Variants in ATN1 observed in about 807,000 individuals in gnomAD.
ATN1 encodes the protein atrophin-1.
Under a neutral mutation model 85.8 loss-of-function variants are expected in ATN1, and 19 were observed. The ratio of observed to expected loss-of-function variants is 0.22; its 90% CI spans 0.15 to 0.32. The LOEUF is 0.32. Among genes scored for constraint, ATN1 ranks in the 10% least tolerant of loss-of-function variants. The pLI is 1.00. For synonymous variants in ATN1, 674 were observed against 657.0 expected, an observed-to-expected ratio of 1.03 and a Z score of -0.39; for missense variants, 1,453 against 1,564.5, an observed-to-expected ratio of 0.93 and a Z score of 1.20.
Position 6,934,442 on chromosome 12 carries a change from A to C in ATN1, c.166-23A>C. 3 of 1,598,748 alleles carry C rather than the reference A, an allele frequency of 1.9e-6. No homozygotes were observed. Among genetic ancestry groups the C allele is most frequent in the Non-Finnish European group, 2.6e-6 (3 of 1,172,068 alleles). On this transcript the variant is annotated intron_variant, in intron 3 of 9. Transcript: ENST00000396684. The surrounding 1 kb of genome is among the most constrained non-coding windows in gnomAD (Gnocchi z 4.5). ...GCTCGGGAGGTAGGGAAAAGACAGG[A>C]ATTTTCTCTTTCTCTCTAACAGAAG...
intron 1 of ATN1, among the ~76,000 whole-genome samples, chr12:6,929,064 T>G (rs2138201117): frequency 1.3e-5 from 2 of 152,322 alleles, no homozygotes; most frequent in South Asian, 4.1e-4. Context: ...AGGTCACCTC[T>G]GACCCTGTTT....
rs1414876674 is a variant in ATN1 at position 6,931,667 on chromosome 12, T to C, written c.-162-2173T>C. Among the ~76,000 whole-genome samples the C allele has an allele frequency of 2.2e-5, 3 of 136,286 alleles. No individual in the cohort carries two copies. The East Asian group carries it at 6.4e-4, about 29-fold the overall frequency. 89.4% of individuals were successfully genotyped at this position (136,286 alleles called of 152,430 possible). On this transcript the variant is annotated intron_variant, in intron 1 of 9. Coordinates refer to ENST00000396684, the MANE Select transcript of ATN1 (RefSeq NM_001940.4). ...AGGCGGAGGTGGCAGTGAGCTGAGA[T>C]CATGCCATAGCACCTCCAGCCTGGG...
Position 6,937,794 on chromosome 12 carries a change from C to T in ATN1, c.2295-51C>T, listed in dbSNP as rs943823431. 3.3e-6 allele frequency: 5 copies of T among 1,501,962 alleles called. No individual in the cohort carries two copies. Among genetic ancestry groups the T allele is most frequent in the South Asian group, 2.6e-5 (2 of 77,552 alleles). The allele number at this position is 1,501,962 out of a possible 1,614,324, so 93.0% of individuals were successfully genotyped here. ...CGCCGGGGCCGCGGCGCTGCGGGCTCCATCGGGCAGCTCGCACCGCCTGAG... is the reference window on the plus strand; with the variant it reads ...CGCCGGGGCCGCGGCGCTGCGGGCTTCATCGGGCAGCTCGCACCGCCTGAG... On this transcript the variant is annotated intron_variant, in intron 5 of 9. Coordinates refer to ENST00000396684, the MANE Select transcript of ATN1 (RefSeq NM_001940.4). This position sits in a 1 kb window ranked among gnomAD's most constrained non-coding sequence, Gnocchi z 6.0.
chr12:6,939,421 G>A (rs1283256863), intron 7 of ATN1, among the ~76,000 whole-genome samples: 1 of 152,200 alleles, frequency 6.6e-6, no homozygotes, highest in Non-Finnish European at 1.5e-5. Context: ...TCCTTCCCAT[G>A]ACAGAGGCCC....
In ATN1 at chr12:6,935,828, T is replaced by G; in HGVS notation, c.561T>G (p.Pro187=). ...CAGAGGCTAGCTTTGAACCCCATCC[T>G]TCTGTGACACCCACTGGATATCATG... ...RQPEASFEPH[P]SVTPTGYHAP... The change falls in exon 5 of 10, where the codon CCT becomes CCG. Residue 187 remains proline (P), a synonymous_variant. Coordinates refer to ENST00000396684, the MANE Select transcript of ATN1 (RefSeq NM_001940.4). This position sits in a 1 kb window ranked among gnomAD's most constrained non-coding sequence, Gnocchi z 5.3. The G allele has an allele frequency of 6.2e-7, 1 of 1,613,774 alleles. No homozygotes were observed.
At chr12:6,926,653 A>G (rs1945401735), upstream of ATN1, among the ~76,000 whole-genome samples, 1 of 151,930 alleles carries the variant, frequency 6.6e-6, no homozygotes, top group South Asian at 2.1e-4. Context: ...TTGTATTTTT[A>G]GTAGAGACGG....
rs1391396904 is a variant in ATN1 at position 6,935,250 on chromosome 12, T to C, written c.280-297T>C. Among the ~76,000 whole-genome samples the C allele has an allele frequency of 2.0e-5, 3 of 152,058 alleles. No homozygotes were observed. Among genetic ancestry groups the C allele is most frequent in the African/African-American group, 7.2e-5 (3 of 41,390 alleles). Reference sequence around the variant, plus strand: ...GATGGTTAAAGTGGTGGTTATGAGATGGTGGAAGACAGGGAGTTGGAGTCA... The same window carrying C: ...GATGGTTAAAGTGGTGGTTATGAGACGGTGGAAGACAGGGAGTTGGAGTCA... On this transcript the variant is annotated intron_variant, in intron 4 of 9. Coordinates refer to ENST00000396684, the MANE Select transcript of ATN1 (RefSeq NM_001940.4). This position sits in a 1 kb window ranked among gnomAD's most constrained non-coding sequence, Gnocchi z 5.3.
In ATN1 at chr12:6,941,001, A is replaced by T. The variant is rs1555144558; in HGVS notation, c.3336A>T (p.Glu1112Asp). 1.2e-6 allele frequency: 2 copies of T among 1,614,118 alleles called. No individual in the cohort carries two copies. Among genetic ancestry groups the T allele is most frequent in the Admixed American group, 3.3e-5 (2 of 60,004 alleles). The change falls in exon 8 of 10, where the codon GAA becomes GAT. Residue 1112 changes from glutamate (E) to aspartate (D), a missense_variant. This residue lies in a region of ATN1 where 118 missense variants were observed against 163.7 expected (regional missense o/e 0.72). Transcript: ENST00000396684. The surrounding 1 kb of genome is among the most constrained non-coding windows in gnomAD (Gnocchi z 5.9). ...TTCCTCACCCTCTGCACGAGAACGA[A>T]GTTCTTCGTCACCAGCTCTTTGGTA... ...PLLPHPLHEN[E>D]VLRHQLFAAP...
At position 6,941,411 on chromosome 12, in the gene ATN1, C is replaced by T. The variant is rs1945632795; in HGVS notation, c.3396C>T (p.Ala1132=). The change falls in exon 9 of 10, where the codon GCC becomes GCT. Residue 1132 remains alanine, a synonymous_variant. Coordinates refer to ENST00000396684, the MANE Select transcript of ATN1 (RefSeq NM_001940.4). This position sits in a 1 kb window ranked among gnomAD's most constrained non-coding sequence, Gnocchi z 5.9. ...GGGACCTGCCGGCCTCCCTTTCTGC[C>T]CCGATGTCAGCAGCTCATCAGCTGC... is the stretch of plus-strand genomic sequence containing the variant. ...PYRDLPASLS[A]PMSAAHQLQA... is the part of the protein sequence containing the mutation. The T allele has an allele frequency of 6.2e-7, 1 of 1,607,492 alleles. No homozygotes were observed. Among genetic ancestry groups the T allele is most frequent in the African/African-American group, 1.3e-5 (1 of 74,828 alleles).
chr12:6,939,022 G>C lies in ATN1; in HGVS notation c.3059G>C (p.Arg1020Pro). The C allele has an allele frequency of 7.4e-6, 12 of 1,610,878 alleles. No individual in the cohort carries two copies. Among genetic ancestry groups the C allele is most frequent in the Non-Finnish European group, 9.3e-6 (11 of 1,179,998 alleles). Residue 1020 changes from arginine to proline, a missense_variant, in exon 7 of 10, where the codon CGG becomes CCG. Physicochemically the swap from Arg to Pro is moderately radical, Grantham distance 103. Transcript: ENST00000396684. ...ALRPDMSYAE[R>P]LAAERQHAER... ...CGGCCTGACATGTCCTATGCTGAGC[G>C]GCTGGCAGCTGAGAGGCAGCACGCA...
chr12:6,925,205 G>A (rs772917158), upstream of ATN1, among the ~76,000 whole-genome samples: 4 of 152,030 alleles, frequency 2.6e-5, no homozygotes, highest in Non-Finnish European at 5.9e-5. Context: ...GGTAGGGGAG[G>A]AATGGGAGAG....
At chr12:6,931,637 C>T (rs1207856163) in intron 1 of ATN1, among the ~76,000 whole-genome samples, 2 of 149,646 alleles carry the variant, frequency 1.3e-5, no homozygotes, top group African/African-American at 4.9e-5. Flanking sequence ...TCGCTTGAAC[C>T]TGGGAGGCGG....
intron 7 of ATN1, among the ~76,000 whole-genome samples, chr12:6,940,124 T>A (rs984834557): frequency 6.6e-6 from 1 of 152,006 alleles, no homozygotes; most frequent in Non-Finnish European, 1.5e-5. Flanking sequence ...CCCGAGTAGC[T>A]GGGACTGCAG....
Position 6,937,762 on chromosome 12 carries a change from A to C in ATN1, c.2295-83A>C, listed in dbSNP as rs117342528. 4 of 1,465,906 alleles carry C rather than the reference A, an allele frequency of 2.7e-6. No individual in the cohort carries two copies. The East Asian group carries it at 1.0e-4, about 37-fold the overall frequency. 90.8% of individuals were successfully genotyped at this position (1,465,906 alleles called of 1,614,324 possible). ...GGGGTGGTTTTGAGGCGGGGGCTAC[A>C]AGCACTCGCCGGGGCCGCGGCGCTG... On this transcript the variant is annotated intron_variant, in intron 5 of 9. Coordinates refer to ENST00000396684, the MANE Select transcript of ATN1 (RefSeq NM_001940.4). The surrounding 1 kb of genome is among the most constrained non-coding windows in gnomAD (Gnocchi z 6.0).
rs782776362 is a variant in ATN1 at position 6,936,289 on chromosome 12, G to A, written c.1022G>A (p.Gly341Glu). The A allele has an allele frequency of 6.2e-7, 1 of 1,613,728 alleles. No homozygotes were observed. Among genetic ancestry groups the A allele is most frequent in the Non-Finnish European group, 8.5e-7 (1 of 1,179,800 alleles). The change falls in exon 5 of 10, where the codon GGA becomes GAA. Residue 341 changes from glycine to glutamate, a missense_variant. By Grantham distance (98) the Gly-to-Glu change is moderately conservative (BLOSUM62 -2). This residue lies in a region of ATN1 where 990 missense variants were observed against 914.8 expected (regional missense o/e 1.08). Coordinates refer to ENST00000396684, the MANE Select transcript of ATN1 (RefSeq NM_001940.4). Reference sequence around the variant, plus strand: ...CACGCCATGGGACAGGGTATGGGTGGACTTCCTCCTGGCCCAGAGAAGGGC... The same window carrying A: ...CACGCCATGGGACAGGGTATGGGTGAACTTCCTCCTGGCCCAGAGAAGGGC... ...SPHAMGQGMG[G>E]LPPGPEKGPT... is the part of the protein sequence containing the mutation.
At position 6,938,004 on chromosome 12, in the gene ATN1, G is replaced by A; in HGVS notation, c.2454G>A (p.Glu818=). The A allele has an allele frequency of 1.9e-6, 3 of 1,542,588 alleles. No homozygotes were observed. Among genetic ancestry groups the A allele is most frequent in the Non-Finnish European group, 2.6e-6 (3 of 1,142,188 alleles). Residue 818 remains glutamate, a synonymous_variant, in exon 6 of 10, where the codon GAG becomes GAA. Transcript: ENST00000396684. ...GCGCGCGCGAAGAAAAGGAGCGCGA[G>A]CGCGAGCGGGAACGCGAGAAAGAGC... ...EQRAREEKER[E]REREREKERE...
rs1555144017 is a variant in ATN1 at position 6,937,537 on chromosome 12, C to A, written c.2270C>A (p.Pro757His). The stretch of plus-strand genomic sequence containing the variant: ...CCCCCTCCCAAGGTGGTAGATGTAC[C>A]CAGCCATGCCAGTCAGTCTGCCAGG... ...PSPPPKVVDVPSHASQSARFN... is the reference protein window; with the variant it reads ...PSPPPKVVDVHSHASQSARFN... Residue 757 changes from proline (P) to histidine (H), a missense_variant, in exon 5 of 10, where the codon CCC (proline) becomes CAC (histidine). By Grantham distance (77) the Pro-to-His change is moderately conservative. Around this residue, in one of 6 missense-constraint regions of ATN1, gnomAD observed 990 missense variants for 914.8 expected, o/e 1.08. Transcript: ENST00000396684. This position sits in a 1 kb window ranked among gnomAD's most constrained non-coding sequence, Gnocchi z 6.0. 1 of 1,516,264 alleles carries A rather than the reference C, an allele frequency of 6.6e-7. No individual in the cohort carries two copies. The highest frequency in any genetic ancestry group is 2.3e-5 in the Admixed American group (1 of 43,926). The allele number at this position is 1,516,264 out of a possible 1,614,324, so 93.9% of individuals were successfully genotyped here. A position where few individuals can be genotyped will look rare whatever the true frequency, so the allele number is the denominator to read the frequency against.
chr12:6,925,071 G>A (rs1281719606), upstream of ATN1, among the ~76,000 whole-genome samples: 1 of 152,044 alleles, frequency 6.6e-6, no homozygotes, highest in Non-Finnish European at 1.5e-5. Flanking sequence ...CTGAGCCAGA[G>A]AGGGAGCTGG....
chr12:6,934,146 G>C lies in ATN1; in HGVS notation c.28-30G>C, dbSNP rs781924908. ...AAAGTTAGGTGCAATGTAAAGAACA[G>C]TGTTACCTACCTCCTTCCTCCTCCT... On this transcript the variant is annotated intron_variant, in intron 2 of 9. Transcript: ENST00000396684. The surrounding 1 kb of genome is among the most constrained non-coding windows in gnomAD (Gnocchi z 4.5). The C allele has an allele frequency of 6.2e-7, 1 of 1,613,868 alleles. No homozygotes were observed. Among genetic ancestry groups the C allele is most frequent in the South Asian group, 1.1e-5 (1 of 91,076 alleles).
Sources: allele counts gnomAD v4.1 joint callset (sites outside exome capture counted in the v4.1 genomes callset), GRCh38; gene constraint gnomAD v4.1.1; regional missense constraint gnomAD v4.1.1; non-coding constraint Gnocchi (gnomAD v3.1); transcripts MANE v1.5; gene names NCBI Gene and HGNC (gene_info 2026-07-23, HGNC 2026-07-21).